PCDHGA2: variants seen among roughly 807,000 people sequenced by gnomAD.
The protein encoded by PCDHGA2 is protocadherin gamma subfamily A, 2.
Under a neutral mutation model 59.2 loss-of-function variants are expected in PCDHGA2, and 40 were observed. The observed-to-expected ratio is 0.68, with a 90% CI of 0.52 to 0.88. The LOEUF (loss-of-function observed/expected upper bound fraction) is 0.88, where lower values mean the gene tolerates loss of function less well. PCDHGA2 is among the 40% of genes least tolerant of loss of function. The pLI is 0.00. For synonymous variants in PCDHGA2, 560 were observed against 526.0 expected, an observed-to-expected ratio of 1.06 and a Z score of -0.89; for missense variants, 1,226 against 1,204.0, an observed-to-expected ratio of 1.02 and a Z score of -0.27.
At position 141,394,887 on chromosome 5, in the gene PCDHGA2, T is replaced by C. The variant is rs781200096; in HGVS notation, c.2424+53492T>C. 63 of 1,613,752 alleles carry C rather than the reference T, an allele frequency of 3.9e-5. 1 individual carries two copies. In the Admixed American group the frequency reaches 1.0e-3, roughly 26 times the overall value. ...CCCGAACGATTCGAGCCTTACACTC[T>C]ATCTCGTGGTGGCAGTGGCTGCCAT... is the stretch of plus-strand genomic sequence containing the variant. On this transcript the variant is annotated intron_variant, in intron 1 of 3. Coordinates refer to ENST00000394576, the MANE Select transcript of PCDHGA2 (RefSeq NM_018915.4).
At chr5:141,350,538 G>C in intron 1 of PCDHGA2, 10 of 1,614,050 alleles carry the variant, frequency 6.2e-6, no homozygotes, top group South Asian at 1.1e-5. Context: ...GAGAAGATTT[G>C]CGGAAGGAAA....
intron 1 of PCDHGA2, chr5:141,417,617 A>G (rs576281946): frequency 9.3e-6 from 6 of 646,206 alleles, no homozygotes; most frequent in African/African-American, 1.8e-5. Flanking sequence ...GCCAGTGCAG[A>G]GCAAGCGCTG....
chr5:141,421,864 C>T (rs1561797174), intron 1 of PCDHGA2: 2 of 1,613,766 alleles, frequency 1.2e-6, no homozygotes, highest in Non-Finnish European at 1.7e-6. Context: ...CCTGCTCCTC[C>T]TCACAGCTTT....
At chr5:141,508,499 C>T (rs1425054102) in intron 3 of PCDHGA2, among the ~76,000 whole-genome samples, 7 of 152,212 alleles carry the variant, frequency 4.6e-5, no homozygotes, top group Non-Finnish European at 1.0e-4. Flanking sequence ...CATATCTTCT[C>T]TCCCTCCTGG....
rs200777796 is a variant in PCDHGA2, at chr5:141,352,653, C to A, written c.2424+11258C>A. ...GAAGATCACAAAATCGCTTATGACCCTTCTTTGTCTTCGCACGTGAGTTTC... is the reference window on the plus strand; with the variant it reads ...GAAGATCACAAAATCGCTTATGACCATTCTTTGTCTTCGCACGTGAGTTTC... On this transcript the variant is annotated intron_variant, in intron 1 of 3. Transcript: ENST00000394576. The A allele has an allele frequency of 6.6e-4, 1,052 of 1,597,498 alleles. No homozygotes were observed. The highest frequency in any genetic ancestry group is 8.1e-4 in the Non-Finnish European group (954 of 1,171,256).
chr5:141,419,769 C>T (rs773303779), intron 1 of PCDHGA2: 6 of 1,613,888 alleles, frequency 3.7e-6, no homozygotes, highest in Non-Finnish European at 4.2e-6. Context: ...GACAAGGACT[C>T]GGTCCGCCAG....
intron 2 of PCDHGA2, among the ~76,000 whole-genome samples, chr5:141,505,172 A>C (rs1336105711): frequency 6.6e-6 from 1 of 152,178 alleles, no homozygotes; most frequent in Non-Finnish European, 1.5e-5. Context: ...AAACAAAAAG[A>C]AAAAAGCATC....
At chr5:141,365,407 C>G in intron 1 of PCDHGA2, 2 of 1,614,012 alleles carry the variant, frequency 1.2e-6, no homozygotes, top group South Asian at 1.1e-5. Flanking sequence ...TCTCTGAAGA[C>G]TGTCTTCCCG....
chr5:141,407,497 G>GTTTTTTTTTTTTTTTTT (rs1554102286), intron 1 of PCDHGA2, among the ~76,000 whole-genome samples: 2 of 151,970 alleles, frequency 1.3e-5, no homozygotes, highest in African/African-American at 4.8e-5. Context: ...CTTTATTTCT[G>GTTTTTTTTTTTTTTTTT]TTTTTCTTAG....
intron 2 of PCDHGA2, among the ~76,000 whole-genome samples, chr5:141,497,962 G>A (rs2099780751): frequency 6.6e-6 from 1 of 152,236 alleles, no homozygotes; most frequent in African/African-American, 2.4e-5. Context: ...TGGCCAGGCA[G>A]TGTTCTCGAT....
intron 1 of PCDHGA2, chr5:141,478,227 G>A: frequency 6.2e-7 from 1 of 1,614,104 alleles, no homozygotes; most frequent in Non-Finnish European, 8.5e-7. Context: ...GTTTCTGTGG[G>A]GTTTGTGGTC....
intron 1 of PCDHGA2, chr5:141,393,429 G>GCAA (rs761074463): frequency 2.5e-6 from 4 of 1,613,910 alleles, no homozygotes; most frequent in South Asian, 1.1e-5. Flanking sequence ...GGAGGAAGAG[G>GCAA]CTGCTCACCA....
rs778008159 is a variant in PCDHGA2, at chr5:141,356,201, T to C, written c.2424+14806T>C. The C allele has an allele frequency of 6.4e-5, 103 of 1,607,808 alleles. No individual in the cohort carries two copies. Among genetic ancestry groups the C allele is most frequent in the Middle Eastern group, 1.7e-4 (1 of 6,056 alleles). On this transcript the variant is annotated intron_variant, in intron 1 of 3. Transcript: ENST00000394576. Reference sequence around the variant, plus strand: ...GGTCTCCGAGCTAGAAGCAAGGTACTGGTGACAGTTCTGGATGAAAATGAC... The same window carrying C: ...GGTCTCCGAGCTAGAAGCAAGGTACCGGTGACAGTTCTGGATGAAAATGAC...
chr5:141,507,816 TG>T (rs1478957063), intron 3 of PCDHGA2, among the ~76,000 whole-genome samples: 1 of 152,130 alleles, frequency 6.6e-6, no homozygotes, highest in African/African-American at 2.4e-5. Flanking sequence ...GAACGGACCC[TG>T]GGGGTGGAGG....
intron 2 of PCDHGA2, 160 bp from the exon 3 acceptor site, chr5:141,505,233 C>T: frequency 1.1e-6 from 1 of 872,838 alleles, no homozygotes; most frequent in Non-Finnish European, 1.4e-6. Context: ...ATTCTGGCTT[C>T]TGAAGGATTG....
Position 141,491,529 on chromosome 5 carries a change from G to T in PCDHGA2, c.2425-3278G>T, listed in dbSNP as rs1157770121. ...GCACGCTCAAGTACATGGAGGTGAC[G>T]CTGCGGCCCACAGACTCGCAGAGCC... On this transcript the variant is annotated intron_variant, in intron 1 of 3. Transcript: ENST00000394576. This position sits in a 1 kb window ranked among gnomAD's most constrained non-coding sequence, Gnocchi z 6.9. The T allele has an allele frequency of 6.2e-7, 1 of 1,614,040 alleles. No individual in the cohort carries two copies. The highest frequency in any genetic ancestry group is 1.1e-5 in the South Asian group (1 of 91,080).
intron 1 of PCDHGA2, among the ~76,000 whole-genome samples, chr5:141,430,014 G>A (rs925858697): frequency 6.6e-6 from 1 of 152,130 alleles, no homozygotes; most frequent in South Asian, 2.1e-4. Context: ...TTTCACTTGG[G>A]TTCTTGTTAA....
At chr5:141,496,509 C>A (rs955577717) in intron 2 of PCDHGA2, among the ~76,000 whole-genome samples, 3 of 152,168 alleles carry the variant, frequency 2.0e-5, no homozygotes, top group Non-Finnish European at 4.4e-5. Context: ...GCCACAAGGA[C>A]CCAGGAGCCC....
intron 1 of PCDHGA2, chr5:141,384,915 G>C (rs1460379128): frequency 1.2e-6 from 2 of 1,613,914 alleles, no homozygotes; most frequent in Non-Finnish European, 1.7e-6. Context: ...CCGAAGTCTT[G>C]GCCGACCTGG....
Sources: allele counts gnomAD v4.1 joint callset (sites outside exome capture counted in the v4.1 genomes callset), GRCh38; gene constraint gnomAD v4.1.1; non-coding constraint Gnocchi (gnomAD v3.1); transcripts MANE v1.5; gene names NCBI Gene and HGNC (gene_info 2026-07-23, HGNC 2026-07-21).